GLS: variants seen among roughly 807,000 people sequenced by gnomAD.
GLS encodes the protein glutaminase kidney isoform, mitochondrial.
Under a neutral mutation model 86.7 loss-of-function variants are expected in GLS, and 36 were observed. The ratio of observed to expected loss-of-function variants is 0.42; its 90% CI spans 0.32 to 0.55. The LOEUF is 0.55. Ranked by LOEUF, GLS falls within the 20% of genes least tolerant of loss-of-function variation. The pLI is 0.17. For synonymous variants in GLS, 317 were observed against 305.9 expected (o/e 1.04, Z -0.38); for missense variants, 528 against 833.4 (o/e 0.63, Z 4.51).
At chr2:190,948,207 ATAGC>A (rs1690627321) in intron 14 of GLS, among the ~76,000 whole-genome samples, 1 of 152,174 alleles carries the variant, frequency 6.6e-6, no homozygotes, top group Non-Finnish European at 1.5e-5. Context: ...ATCCAGCTCC[ATAGC>A]TAGCCTTTTG....
chr2:190,910,360 T>C, intron 7 of GLS, 39 bp downstream of exon 7: 1 of 1,144,896 alleles, frequency 8.7e-7, no homozygotes, highest in Non-Finnish European at 1.3e-6. Flanking sequence ...AGTAAAACTT[T>C]TTTTTTTTAA....
At chr2:190,940,933 C>G (rs1057324405) in intron 14 of GLS, among the ~76,000 whole-genome samples, 1 of 151,996 alleles carries the variant, frequency 6.6e-6, no homozygotes, top group African/African-American at 2.4e-5. Flanking sequence ...TACCATCCCC[C>G]TCAGCATTTC....
chr2:190,923,121 T>G (rs1477679886), intron 9 of GLS, among the ~76,000 whole-genome samples: 2 of 152,196 alleles, frequency 1.3e-5, no homozygotes, highest in Non-Finnish European at 2.9e-5. Context: ...CATTACAGTA[T>G]TCTCTTAATA....
chr2:190,906,190 G>T (rs1324487520), intron 6 of GLS, among the ~76,000 whole-genome samples: 1 of 151,976 alleles, frequency 6.6e-6, no homozygotes, highest in Non-Finnish European at 1.5e-5. Flanking sequence ...TATTTACTAA[G>T]CTCATTGACA....
chr2:190,887,177 GTTATTAA>G (rs1483779932), intron 1 of GLS, among the ~76,000 whole-genome samples: 1 of 152,136 alleles, frequency 6.6e-6, no homozygotes, highest in African/African-American at 2.4e-5. Context: ...TATAAAAATA[GTTATTAA>G]TTACTGATAT....
At chr2:190,957,766 C>A (rs1321881368) in intron 17 of GLS, among the ~76,000 whole-genome samples, 2 of 152,126 alleles carry the variant, frequency 1.3e-5, no homozygotes. Context: ...CCGACTTGAT[C>A]GTGGTGGATA....
intron 1 of GLS, among the ~76,000 whole-genome samples, chr2:190,893,569 A>G (rs1031736765): frequency 1.3e-5 from 2 of 152,120 alleles, no homozygotes; most frequent in African/African-American, 4.8e-5. Flanking sequence ...TATTGTAGTT[A>G]TTATTACTAA....
chr2:190,950,883 TAA>T (rs971029622), intron 14 of GLS, among the ~76,000 whole-genome samples: 18 of 152,168 alleles, frequency 1.2e-4, no homozygotes, highest in African/African-American at 3.6e-4. Context: ...ATTTTGGGTA[TAA>T]GTCTGAGATG....
intron 17 of GLS, among the ~76,000 whole-genome samples, chr2:190,958,865 C>T (rs1479656461): frequency 1.3e-5 from 2 of 151,992 alleles, no homozygotes; most frequent in Admixed American, 6.6e-5. Flanking sequence ...AGAATAAGTG[C>T]GATGTGGTGC....
At chr2:190,892,436 TTGA>T (rs769510580) in intron 1 of GLS, among the ~76,000 whole-genome samples, 23 of 152,152 alleles carry the variant, frequency 1.5e-4, no homozygotes, top group East Asian at 3.8e-4. Context: ...TTAATAATTG[TTGA>T]TGATAAGATT....
At chr2:190,900,470 A>G (rs950857069) in intron 3 of GLS, 94 bp from the exon 4 acceptor site, 3 of 539,306 alleles carry the variant, frequency 5.6e-6, no homozygotes, top group South Asian at 3.6e-5. Context: ...AAATTTATCT[A>G]TTATTTAAAT....
chr2:190,908,058 A>G (rs1481195363), intron 6 of GLS, among the ~76,000 whole-genome samples: 1 of 152,070 alleles, frequency 6.6e-6, no homozygotes, highest in Admixed American at 6.6e-5. Flanking sequence ...GGCACTGCAC[A>G]TTTTTTCCAA....
chr2:190,946,506 T>C (rs1690580217), intron 14 of GLS, among the ~76,000 whole-genome samples: 1 of 148,844 alleles, frequency 6.7e-6, no homozygotes, highest in Non-Finnish European at 1.5e-5. Context: ...AGTTACCTGC[T>C]TTTTTTTTTC....
intron 1 of GLS, among the ~76,000 whole-genome samples, chr2:190,890,704 T>A (rs1380864940): frequency 6.6e-6 from 1 of 152,226 alleles, no homozygotes; most frequent in Non-Finnish European, 1.5e-5. Flanking sequence ...ACACTGATTT[T>A]AAAACAACCC....
intron 17 of GLS, among the ~76,000 whole-genome samples, chr2:190,957,987 A>C (rs961809557): frequency 6.6e-6 from 1 of 152,202 alleles, no homozygotes; most frequent in Non-Finnish European, 1.5e-5. Flanking sequence ...GAATGGTACC[A>C]GCTCCTCTTT....
At chr2:190,888,721 T>C (rs143837200) in intron 1 of GLS, among the ~76,000 whole-genome samples, 240 of 152,360 alleles carry the variant, frequency 1.6e-3, no homozygotes, top group Non-Finnish European at 2.5e-3. Flanking sequence ...GTAAGTTCTC[T>C]CATGCCTTGA....
chr2:190,901,519 G>A (rs767565090), intron 4 of GLS, among the ~76,000 whole-genome samples: 4 of 151,844 alleles, frequency 2.6e-5, no homozygotes, highest in Non-Finnish European at 5.9e-5. Context: ...CAAGATTCAA[G>A]TGTATAACAA....
intron 12 of GLS, 191 bp downstream of exon 12, chr2:190,927,673 G>C: frequency 2.1e-6 from 1 of 480,320 alleles, no homozygotes; most frequent in East Asian, 3.8e-5. Context: ...TTAAGAACTT[G>C]GAAGTTTGAT....
intron 1 of GLS, among the ~76,000 whole-genome samples, chr2:190,890,330 C>T (rs1324683007): frequency 1.3e-5 from 2 of 152,178 alleles, no homozygotes; most frequent in South Asian, 2.1e-4. Context: ...ACTGTAGGTG[C>T]ATGCCACCAC....
Sources: gnomAD v4.1 joint callset for allele counts (sites outside exome capture counted in the v4.1 genomes callset) on GRCh38, gnomAD v4.1.1 for gene constraint, MANE v1.5 for transcripts, NCBI Gene and HGNC (gene_info 2026-07-23, HGNC 2026-07-21) for gene names.